Variants in XIRP2 observed in about 807,000 individuals in gnomAD.
XIRP2 encodes the protein xin actin binding repeat containing 2, also known as xin actin-binding repeat-containing protein 2.
A neutral mutation model predicts 277.0 loss-of-function variants in XIRP2; 236 were observed. The observed-to-expected ratio is 0.85, with a 90% CI of 0.77 to 0.95. The LOEUF (loss-of-function observed/expected upper bound fraction) is 0.95. Among genes scored for constraint, XIRP2 ranks in the 40% least tolerant of loss-of-function variants. The probability of loss-of-function intolerance (pLI) is 0.00; values close to 1 mark genes in which losing one functional copy is unlikely to be tolerated. For synonymous variants in XIRP2, 1,490 were observed against 1,416.5 expected, an observed-to-expected ratio of 1.05 and a Z score of -1.17; for missense variants, 4,640 against 4,157.5, an observed-to-expected ratio of 1.12 and a Z score of -3.19.
At chr2:167,242,534 C>T (rs1219861939) in intron 8 of XIRP2, 35 bp from the exon 9 acceptor site, 1 of 1,573,336 alleles carries the variant, frequency 6.4e-7, no homozygotes, top group Non-Finnish European at 8.6e-7. Flanking sequence ...CCACTACACT[C>T]ACCTTTATAA....
intron 2 of XIRP2, among the ~76,000 whole-genome samples, chr2:166,918,747 A>T (rs752222935): frequency 3.9e-5 from 6 of 152,094 alleles, no homozygotes; most frequent in Admixed American, 1.3e-4. Flanking sequence ...TGCTTTTAAA[A>T]TTGTACTATG....
intron 5 of XIRP2, among the ~76,000 whole-genome samples, chr2:167,234,091 G>T (rs1163199271): frequency 6.6e-6 from 1 of 151,518 alleles, no homozygotes; most frequent in Non-Finnish European, 1.5e-5. Context: ...TAGAGCAGGA[G>T]GAGACAGAGT....
intron 2 of XIRP2, among the ~76,000 whole-genome samples, chr2:166,960,604 G>A (rs1686275709): frequency 6.6e-6 from 1 of 151,664 alleles, no homozygotes; most frequent in Non-Finnish European, 1.5e-5. Context: ...AATTATCCCC[G>A]ATTTTAAAGC....
chr2:166,903,415 G>C, intron 1 of XIRP2, 50 bp from the exon 2 acceptor site: 1 of 1,509,274 alleles, frequency 6.6e-7, no homozygotes, highest in Non-Finnish European at 8.9e-7. Flanking sequence ...GTCTGAAAAT[G>C]ACTCAGACTC....
At position 167,244,912 on chromosome 2, in the gene XIRP2, T is replaced by C. The variant is rs1315796843; in HGVS notation, c.3520T>C (p.Leu1174=). 6.2e-7 allele frequency: 1 copy of C among 1,613,086 alleles called. No homozygotes were observed. The highest frequency in any genetic ancestry group is 8.5e-7 in the Non-Finnish European group (1 of 1,179,652). The stretch of plus-strand genomic sequence containing the variant: ...ATGTTTTCTTTTTGAGACAGAAAAT[T>C]TGGACAGCATACAAGGAGAAGAAGT... ...TACFLFETEN[L]DSIQGEEVKE... is the part of the protein sequence containing the mutation. The change falls in exon 9 of 11, where the codon TTG becomes CTG. Residue 1174 remains leucine (L), a synonymous_variant. Transcript: ENST00000409195.
intron 3 of XIRP2, among the ~76,000 whole-genome samples, chr2:167,171,521 A>G (rs1161583517): frequency 2.0e-5 from 3 of 152,196 alleles, no homozygotes; most frequent in Non-Finnish European, 4.4e-5. Context: ...TGTTCACTTG[A>G]GAAGAATATG....
At chr2:167,252,187 G>A (rs1695532029) in intron 9 of XIRP2, among the ~76,000 whole-genome samples, 1 of 151,948 alleles carries the variant, frequency 6.6e-6, no homozygotes, top group African/African-American at 2.4e-5. Context: ...CTATTATACA[G>A]ATTACTGGGA....
chr2:167,210,989 AG>A, intron 4 of XIRP2, 94 bp downstream of exon 4: 5 of 1,456,790 alleles, frequency 3.4e-6, no homozygotes, highest in Non-Finnish European at 4.6e-6. Flanking sequence ...ACTACTGGAC[AG>A]GGGGCTAAAG....
chr2:166,944,669 C>T (rs1685804889), intron 2 of XIRP2, among the ~76,000 whole-genome samples: 1 of 152,094 alleles, frequency 6.6e-6, no homozygotes. Flanking sequence ...CATTTAGGTA[C>T]ATAATTCAAT....
intron 2 of XIRP2, among the ~76,000 whole-genome samples, chr2:167,100,730 C>G (rs1690463780): frequency 6.6e-6 from 1 of 152,178 alleles, no homozygotes; most frequent in South Asian, 2.1e-4. Context: ...AATCAAACTG[C>G]TTCTTCTTGT....
chr2:167,245,599 TCA>T lies in XIRP2; in HGVS notation c.4210_4211del (p.His1404Ter). ...GCCACTGGATCAGATTTCTGAAGAA[TCA>T]CATAATATTATGCCCAGTATTGACC... ...TQPLDQISEE[S>X]HNIMPSIDHI... is the part of the protein sequence containing the mutation. On this transcript the variant is annotated frameshift_variant, in exon 9 of 11. Coordinates refer to ENST00000409195, the MANE Select transcript of XIRP2 (RefSeq NM_152381.6). LOFTEE classifies it high-confidence loss of function. 6.2e-7 allele frequency: 1 copy of T among 1,613,654 alleles called. No individual in the cohort carries two copies. The highest frequency in any genetic ancestry group is 8.5e-7 in the Non-Finnish European group (1 of 1,179,728).
chr2:167,030,901 G>C (rs1438395435), intron 2 of XIRP2, among the ~76,000 whole-genome samples: 1 of 151,968 alleles, frequency 6.6e-6, no homozygotes, highest in Non-Finnish European at 1.5e-5. Flanking sequence ...ATATTTTGGA[G>C]TGTTAGCTCT....
In XIRP2 at chr2:167,093,633, C is replaced by A. The variant is rs189643277; in HGVS notation, c.409-42276C>A. On this transcript the variant is annotated intron_variant, in intron 2 of 10. Transcript: ENST00000409195. Reference sequence around the variant, plus strand: ...CTTTCCACCTTGATCCATGTCCCTGCAAAGAAATGAACTCATTCTTTTTTA... The same window carrying A: ...CTTTCCACCTTGATCCATGTCCCTGAAAAGAAATGAACTCATTCTTTTTTA... 5.9e-5 allele frequency among the ~76,000 whole-genome samples: 9 copies of A among 152,196 alleles called. No individual in the cohort carries two copies. In the East Asian group the frequency reaches 1.4e-3, roughly 23 times the overall value.
At chr2:166,945,855 GT>G (rs969017479) in intron 2 of XIRP2, among the ~76,000 whole-genome samples, 2 of 151,560 alleles carry the variant, frequency 1.3e-5, no homozygotes, top group Non-Finnish European at 2.9e-5. Flanking sequence ...TTGTTTGTTT[GT>G]TTTTTTGGTA....
At chr2:167,033,568 T>C (rs901250168) in intron 2 of XIRP2, among the ~76,000 whole-genome samples, 10 of 152,146 alleles carry the variant, frequency 6.6e-5, no homozygotes, top group Non-Finnish European at 1.2e-4. Flanking sequence ...CTCCATGGCA[T>C]TTAATAATCA....
At chr2:167,001,267 A>G (rs916423697) in intron 2 of XIRP2, among the ~76,000 whole-genome samples, 14 of 152,074 alleles carry the variant, frequency 9.2e-5, no homozygotes, top group African/African-American at 3.4e-4. Context: ...CGCCTACGTA[A>G]TAGCCTACCT....
rs566826790 is a variant in XIRP2 at position 167,187,379 on chromosome 2, C to A, written c.563-23356C>A. On this transcript the variant is annotated intron_variant, in intron 3 of 10. Transcript: ENST00000409195. ...CGTCCCATCTACTTGCTTGATAGAC[C>A]CTTCAGTGGAGCGGGCCTCCACTGC... is the stretch of plus-strand genomic sequence containing the variant. The A allele has an allele frequency of 3.0e-6, 3 of 985,278 alleles. No individual in the cohort carries two copies. In the East Asian group the frequency reaches 3.4e-4, roughly 112 times the overall value. The allele number at this position is 985,278 out of a possible 1,614,324, so 61.0% of individuals were successfully genotyped here. A position where few individuals can be genotyped will look rare whatever the true frequency, so the allele number is the denominator to read the frequency against.
intron 4 of XIRP2, 39 bp downstream of exon 4, chr2:167,210,934 T>G (rs756078364): frequency 1.5e-5 from 24 of 1,608,570 alleles, no homozygotes; most frequent in Non-Finnish European, 8.5e-7. Flanking sequence ...GGCAATGTGC[T>G]TACTGTCTGT....
At chr2:166,898,121 T>G (rs1684291250) in intron 1 of XIRP2, among the ~76,000 whole-genome samples, 1 of 152,128 alleles carries the variant, frequency 6.6e-6, no homozygotes, top group South Asian at 2.1e-4. Flanking sequence ...AGTGTTCTCA[T>G]GCTCATGACT....
Sources: allele counts gnomAD v4.1 joint callset (sites outside exome capture counted in the v4.1 genomes callset), GRCh38; gene constraint gnomAD v4.1.1; transcripts MANE v1.5; gene names NCBI Gene and HGNC (gene_info 2026-07-23, HGNC 2026-07-21).